The following CXADR variants were observed in gnomAD, a reference collection of about 807,000 sequenced individuals.
The protein encoded by CXADR is CXADR cell adhesion molecule.
In CXADR, 20 loss-of-function variants were observed where a neutral mutation model predicts 40.3. That is an observed-to-expected ratio of 0.50 (90% CI 0.35 to 0.72). The LOEUF (loss-of-function observed/expected upper bound fraction) is 0.72, where lower values mean the gene tolerates loss of function less well. CXADR is among the 30% of genes least tolerant of loss of function. The probability of loss-of-function intolerance (pLI) is 0.01; values close to 1 mark genes in which losing one functional copy is unlikely to be tolerated. For missense variants in CXADR, 332 were observed against 449.1 expected (o/e 0.74, Z 2.36); for synonymous variants, 150 against 161.3 (o/e 0.93, Z 0.53).
chr21:17,544,126 T>C (rs1193194351), intron 1 of CXADR, among the ~76,000 whole-genome samples: 1 of 152,108 alleles, frequency 6.6e-6, no homozygotes, highest in Non-Finnish European at 1.5e-5. Flanking sequence ...GTGATACCGA[T>C]GGTAGAAAGT....
intron 1 of CXADR, among the ~76,000 whole-genome samples, chr21:17,538,158 C>T (rs1400358271): frequency 6.6e-6 from 1 of 151,992 alleles, no homozygotes; most frequent in African/African-American, 2.4e-5. Context: ...TGTGCCACCA[C>T]GTCCGGCTAA....
intron 6 of CXADR, among the ~76,000 whole-genome samples, chr21:17,563,651 G>C (rs2061155092): frequency 6.6e-6 from 1 of 151,960 alleles, no homozygotes; most frequent in Admixed American, 6.6e-5. Flanking sequence ...TTGGAAAAAT[G>C]GTACTGGTGG....
At chr21:17,554,291 AG>A (rs5842648) in intron 3 of CXADR, among the ~76,000 whole-genome samples, 87,676 of 151,910 alleles carry the variant, frequency 0.58, 25,753 homozygotes, top group East Asian at 0.67. Flanking sequence ...GTTGGGTGGT[AG>A]GGGATGGCAC....
chr21:17,574,751 C>T (rs1311006420), downstream of CXADR, among the ~76,000 whole-genome samples: 6 of 152,006 alleles, frequency 3.9e-5, no homozygotes, highest in East Asian at 1.9e-4. Context: ...TTTGAATGTT[C>T]AGAAGTGAAG....
the CXADR span, among the ~76,000 whole-genome samples, chr21:17,599,475 A>ATTTT: frequency 1.5e-4 from 18 of 117,226 alleles, no homozygotes; most frequent in South Asian, 1.1e-3. Flanking sequence ...CCACTGGCTG[A>ATTTT]TTTTTTTTTT....
At chr21:17,570,986 C>T (rs1010740842), downstream of CXADR, among the ~76,000 whole-genome samples, 5 of 152,278 alleles carry the variant, frequency 3.3e-5, no homozygotes, top group African/African-American at 4.8e-5. Context: ...GGCTTCCACC[C>T]GCTGGATATC....
intron 7 of CXADR, chr21:17,593,011 T>C: frequency 3.1e-6 from 2 of 647,874 alleles, no homozygotes; most frequent in Non-Finnish European, 4.5e-6. Flanking sequence ...TTGTGATTTT[T>C]CTGGTAAGTC....
At chr21:17,563,833 C>T (rs963526512) in intron 6 of CXADR, among the ~76,000 whole-genome samples, 23 of 145,320 alleles carry the variant, frequency 1.6e-4, no homozygotes, top group East Asian at 6.3e-4. Context: ...CCCAGCCACT[C>T]GGGAGGCTGA....
At chr21:17,606,658 T>G in the CXADR span, among the ~76,000 whole-genome samples, 2 of 152,160 alleles carry the variant, frequency 1.3e-5, no homozygotes, top group Non-Finnish European at 2.9e-5. Context: ...CAACAAAATC[T>G]GCATACCTTA....
chr21:17,584,289 T>C (rs2061379866), intron 7 of CXADR, among the ~76,000 whole-genome samples: 1 of 152,228 alleles, frequency 6.6e-6, no homozygotes, highest in Non-Finnish European at 1.5e-5. Flanking sequence ...TATGAAGCCA[T>C]CAATAAATGA....
downstream of CXADR, among the ~76,000 whole-genome samples, chr21:17,571,201 A>AC (rs2061274776): frequency 6.6e-6 from 1 of 152,210 alleles, no homozygotes; most frequent in Non-Finnish European, 1.5e-5. Context: ...ATGTTTAAAT[A>AC]CCACTTATTA....
chr21:17,547,079 C>T lies in CXADR; in HGVS notation c.96C>T (p.Ala32=), dbSNP rs1287586783. ...ITTPEEMIEK[A]KGETAYLPCK... is the part of the protein sequence containing the mutation. ...CTCCTGAAGAGATGATTGAAAAAGCCAAAGGGGAAACTGCCTATCTGCCAT... is the reference window on the plus strand; with the variant it reads ...CTCCTGAAGAGATGATTGAAAAAGCTAAAGGGGAAACTGCCTATCTGCCAT... Residue 32 remains alanine (A), a synonymous_variant, in exon 2 of 7, where the codon GCC becomes GCT. Transcript: ENST00000284878. 5.0e-6 allele frequency: 8 copies of T among 1,613,590 alleles called. No homozygotes were observed. The South Asian group carries it at 6.6e-5, about 13-fold the overall frequency.
intron 2 of CXADR, among the ~76,000 whole-genome samples, chr21:17,549,085 T>C (rs948861059): frequency 6.6e-6 from 1 of 152,224 alleles, no homozygotes; most frequent in Non-Finnish European, 1.5e-5. Context: ...TGTGATCTCT[T>C]TAGTCAGCAG....
chr21:17,536,088 C>T (rs889775124), intron 1 of CXADR, among the ~76,000 whole-genome samples: 19 of 152,116 alleles, frequency 1.2e-4, no homozygotes, highest in African/African-American at 3.6e-4. Flanking sequence ...CCAGATATTT[C>T]GAGAAGAATC....
chr21:17,565,773 G>A lies in CXADR; in HGVS notation c.*81G>A, dbSNP rs1299517256. On this transcript the variant is annotated 3_prime_UTR_variant, in exon 7 of 7. Coordinates refer to ENST00000284878, the MANE Select transcript of CXADR (RefSeq NM_001338.5). ...GAAAACCTATTCTGGTCTAAATTGT[G>A]TTACTAGCCTCAAAATACATCAAAA... is the stretch of plus-strand genomic sequence containing the variant. 2 of 1,518,856 alleles carry A rather than the reference G, an allele frequency of 1.3e-6. No individual in the cohort carries two copies. Among genetic ancestry groups the A allele is most frequent in the African/African-American group, 1.4e-5 (1 of 71,972 alleles). The allele number at this position is 1,518,856 out of a possible 1,614,324, so 94.1% of individuals were successfully genotyped here.
chr21:17,559,519 T>G (rs1031480570), intron 4 of CXADR, among the ~76,000 whole-genome samples: 9 of 152,074 alleles, frequency 5.9e-5, no homozygotes, highest in African/African-American at 1.9e-4. Flanking sequence ...CCAGATGCTT[T>G]CTTTCCCTTT....
At chr21:17,575,912 A>C (rs1601049066) in intron 7 of CXADR, among the ~76,000 whole-genome samples, 3 of 148,916 alleles carry the variant, frequency 2.0e-5, no homozygotes, top group Non-Finnish European at 3.0e-5. Flanking sequence ...ACATGGTGAA[A>C]CCCTGTCTCT....
At position 17,561,373 on chromosome 21, in the gene CXADR, A is replaced by G. The variant is rs770704671; in HGVS notation, c.730A>G (p.Ile244Val). ...AGCTGGACTAATTGCAGGAGCCATTATAGGAACTTTGCTTGCTCTAGCGCT... is the reference window on the plus strand; with the variant it reads ...AGCTGGACTAATTGCAGGAGCCATTGTAGGAACTTTGCTTGCTCTAGCGCT... ...NKAGLIAGAI[I>V]GTLLALALIG... The change falls in exon 6 of 7, where the codon ATA becomes GTA. Residue 244 changes from isoleucine (I) to valine (V), a missense_variant. Physicochemically the swap from Ile to Val is conservative, Grantham distance 29. Around this residue, in one of 3 missense-constraint regions of CXADR, gnomAD observed 150 missense variants for 194.2 expected, o/e 0.77. Transcript: ENST00000284878. The G allele has an allele frequency of 6.2e-7, 1 of 1,605,440 alleles. No homozygotes were observed. The highest frequency in any genetic ancestry group is 1.7e-5 in the Admixed American group (1 of 59,162).
intron 1 of CXADR, chr21:17,518,872 G>T (rs2060493929): frequency 6.4e-7 from 1 of 1,562,804 alleles, no homozygotes; most frequent in Admixed American, 1.7e-5. Context: ...TTTTTTTAGA[G>T]AACTCTGAAG....
Sources: gnomAD v4.1 joint callset for allele counts (sites outside exome capture counted in the v4.1 genomes callset) on GRCh38, gnomAD v4.1.1 for gene constraint, gnomAD v4.1.1 regional missense constraint, MANE v1.5 for transcripts, NCBI Gene and HGNC (gene_info 2026-07-23, HGNC 2026-07-21) for gene names.